BLTP3B: variants seen among roughly 807,000 people sequenced by gnomAD.
The protein encoded by BLTP3B is bridge-like lipid transfer protein family member 3B.
At chr12:100,043,651 C>G in the BLTP3B span, among the ~76,000 whole-genome samples, 3 of 152,286 alleles carry the variant, frequency 2.0e-5, no homozygotes, top group East Asian at 5.8e-4. Context: ...GAAAGGAAAG[C>G]TTGCTCTTCT....
the BLTP3B span, among the ~76,000 whole-genome samples, chr12:100,135,449 A>G: frequency 6.6e-6 from 1 of 151,836 alleles, no homozygotes; most frequent in South Asian, 2.1e-4. Context: ...TGGTATTTTT[A>G]GTACAGACAG....
chr12:100,120,985 T>C, the BLTP3B span, among the ~76,000 whole-genome samples: 2 of 152,084 alleles, frequency 1.3e-5, no homozygotes, highest in Non-Finnish European at 2.9e-5. Flanking sequence ...ATAAAATAGA[T>C]TAATTGCAAG....
At chr12:100,081,475 C>T in the BLTP3B span, among the ~76,000 whole-genome samples, 2 of 152,076 alleles carry the variant, frequency 1.3e-5, no homozygotes, top group Admixed American at 6.5e-5. Context: ...TGGTAAACTG[C>T]GTGTCACTGG....
At chr12:100,116,413 C>A in the BLTP3B span, among the ~76,000 whole-genome samples, 2 of 139,604 alleles carry the variant, frequency 1.4e-5, no homozygotes, top group African/African-American at 5.5e-5. Flanking sequence ...CATACCACCA[C>A]ACTCCAGCCT....
chr12:100,106,162 C>A, the BLTP3B span, among the ~76,000 whole-genome samples: 1 of 151,888 alleles, frequency 6.6e-6, no homozygotes, highest in Non-Finnish European at 1.5e-5. Context: ...TCTCAAAGAA[C>A]TAAAAGTAGA....
chr12:100,058,271 T>C, the BLTP3B span: 1 of 1,613,816 alleles, frequency 6.2e-7, no homozygotes, highest in Non-Finnish European at 8.5e-7. Flanking sequence ...CTGTATAAAA[T>C]GAATCCTTTT....
At chr12:100,065,894 C>A in the BLTP3B span, among the ~76,000 whole-genome samples, 1 of 152,140 alleles carries the variant, frequency 6.6e-6, no homozygotes, top group Non-Finnish European at 1.5e-5. Context: ...TCATACACCC[C>A]CTCCCCTTTT....
chr12:100,056,122 T>C, the BLTP3B span, among the ~76,000 whole-genome samples: 5 of 152,234 alleles, frequency 3.3e-5, no homozygotes, highest in African/African-American at 1.2e-4. Flanking sequence ...TTGAAATTCA[T>C]GTGTTGGCAA....
At chr12:100,037,833 G>T in the BLTP3B span, 7 of 1,291,870 alleles carry the variant, frequency 5.4e-6, no homozygotes, top group Non-Finnish European at 7.3e-6. Flanking sequence ...GTATCCAAAG[G>T]TATGACACTT....
the BLTP3B span, among the ~76,000 whole-genome samples, chr12:100,138,885 ACT>A: frequency 1.3e-5 from 2 of 151,554 alleles, no homozygotes; most frequent in African/African-American, 4.9e-5. Context: ...ACACACACAC[ACT>A]AATGTCTTGA....
At chr12:100,070,883 G>A in the BLTP3B span, among the ~76,000 whole-genome samples, 3 of 151,976 alleles carry the variant, frequency 2.0e-5, no homozygotes, top group African/African-American at 7.2e-5. Flanking sequence ...GTGCATGCCT[G>A]TAGTCCCAGC....
At chr12:100,047,687 T>A in the BLTP3B span, 1 of 1,338,262 alleles carries the variant, frequency 7.5e-7, no homozygotes, top group Non-Finnish European at 1.1e-6. Context: ...TCGGTCATAT[T>A]TTTAATGAGT....
chr12:100,126,196 A>G, the BLTP3B span, among the ~76,000 whole-genome samples: 3 of 152,220 alleles, frequency 2.0e-5, no homozygotes, highest in Non-Finnish European at 2.9e-5. Context: ...TGTCAAGTGA[A>G]TAAGGCAGAG....
chr12:100,063,373 A>G, the BLTP3B span, among the ~76,000 whole-genome samples: 1 of 152,140 alleles, frequency 6.6e-6, no homozygotes, highest in African/African-American at 2.4e-5. Context: ...GATAACAATC[A>G]CCACAGCCTG....
chr12:100,095,319 C>A, the BLTP3B span, among the ~76,000 whole-genome samples: 3 of 152,204 alleles, frequency 2.0e-5, no homozygotes, highest in African/African-American at 7.2e-5. Context: ...TTAACTCTCA[C>A]ACGTCCTCTC....
At chr12:100,045,932 A>G in the BLTP3B span, among the ~76,000 whole-genome samples, 4 of 152,324 alleles carry the variant, frequency 2.6e-5, no homozygotes, top group African/African-American at 7.2e-5. Flanking sequence ...ATGAACAGAC[A>G]CTTCTCAAAA....
chr12:100,079,375 G>A, the BLTP3B span, among the ~76,000 whole-genome samples: 1 of 152,292 alleles, frequency 6.6e-6, no homozygotes, highest in South Asian at 2.1e-4. Context: ...AGATGGAGAT[G>A]AGGAACTTGT....
chr12:100,088,786 T>C, the BLTP3B span: 4 of 709,738 alleles, frequency 5.6e-6, no homozygotes, highest in Middle Eastern at 4.2e-4. Flanking sequence ...TTCATCTATA[T>C]ATTCATATGA....
At chr12:100,124,951 TA>T in the BLTP3B span, among the ~76,000 whole-genome samples, 6 of 58,034 alleles carry the variant, frequency 1.0e-4, no homozygotes, top group African/African-American at 4.1e-4. Context: ...TATATATATA[TA>T]TATATATATA....
Sources: gnomAD v4.1 joint callset for allele counts (sites outside exome capture counted in the v4.1 genomes callset) on GRCh38, gnomAD v4.1.1 for gene constraint, MANE v1.5 for transcripts, NCBI Gene and HGNC (gene_info 2026-07-23, HGNC 2026-07-21) for gene names.